The following CTNNA3 variants were observed in gnomAD, a reference collection of about 807,000 sequenced individuals.
The protein encoded by CTNNA3 is catenin alpha 3, also known as catenin alpha-3.
A neutral mutation model predicts 95.7 loss-of-function variants in CTNNA3; 76 were observed. The ratio of observed to expected loss-of-function variants is 0.79; its 90% CI spans 0.66 to 0.96. The LOEUF is 0.96. Ranked by LOEUF, CTNNA3 falls within the 40% of genes least tolerant of loss-of-function variation. The pLI is 0.00. For missense variants in CTNNA3, 1,191 were observed against 1,089.8 expected, an observed-to-expected ratio of 1.09 and a Z score of -1.31; for synonymous variants, 431 against 374.4, an observed-to-expected ratio of 1.15 and a Z score of -1.74.
intron 1 of CTNNA3, among the ~76,000 whole-genome samples, chr10:67,757,301 G>A (rs1841438413): frequency 6.6e-6 from 1 of 152,228 alleles, no homozygotes; most frequent in Admixed American, 6.5e-5. Context: ...GGTCAACGTG[G>A]TGGTTAATTT....
At chr10:67,524,556 T>C (rs889841816) in intron 4 of CTNNA3, among the ~76,000 whole-genome samples, 4 of 152,190 alleles carry the variant, frequency 2.6e-5, no homozygotes, top group Admixed American at 1.3e-4. Context: ...TTGTATAATA[T>C]GGAGATTTCA....
chr10:66,564,736 G>T (rs1157681733), intron 10 of CTNNA3, among the ~76,000 whole-genome samples: 1 of 152,170 alleles, frequency 6.6e-6, no homozygotes, highest in South Asian at 2.1e-4. Flanking sequence ...AGGTGAGGAA[G>T]GGACAAGGAA....
At chr10:66,608,670 C>CA (rs530547347) in intron 10 of CTNNA3, among the ~76,000 whole-genome samples, 1 of 151,906 alleles carries the variant, frequency 6.6e-6, no homozygotes, top group African/African-American at 2.4e-5. Context: ...AAAAAACTGA[C>CA]AAAAAACAAG....
chr10:67,301,975 A>AAAAGAAAGAAAGAAAG (rs1174361427), intron 5 of CTNNA3, among the ~76,000 whole-genome samples: 1 of 118,588 alleles, frequency 8.4e-6, no homozygotes, highest in African/African-American at 4.7e-5. Context: ...CAAGAAAGAA[A>AAAAGAAAGAAAGAAAG]AAAGAAAGAA....
intron 1 of CTNNA3, among the ~76,000 whole-genome samples, chr10:67,724,735 T>C (rs946010754): frequency 3.3e-5 from 5 of 152,214 alleles, no homozygotes; most frequent in East Asian, 1.9e-4. Context: ...GTACCTAGTA[T>C]ATTTTCCAAG....
intron 12 of CTNNA3, among the ~76,000 whole-genome samples, chr10:66,303,464 T>A (rs1016520148): frequency 6.6e-6 from 1 of 152,126 alleles, no homozygotes; most frequent in South Asian, 2.1e-4. Flanking sequence ...TTATACTTGA[T>A]TATGTATCTG....
intron 11 of CTNNA3, among the ~76,000 whole-genome samples, chr10:66,436,912 G>T (rs2093342071): frequency 6.6e-6 from 1 of 152,238 alleles, no homozygotes; most frequent in East Asian, 1.9e-4. Flanking sequence ...GCATTTGCTT[G>T]TCTGTAAAGG....
chr10:66,005,841 A>G (rs185349887), intron 15 of CTNNA3, among the ~76,000 whole-genome samples: 83 of 152,144 alleles, frequency 5.5e-4, no homozygotes, highest in African/African-American at 2.0e-3. Context: ...TTTTCATAAG[A>G]CATTCAAATA....
chr10:66,538,470 G>C (rs116888862), intron 10 of CTNNA3, among the ~76,000 whole-genome samples: 3,127 of 152,220 alleles, frequency 0.021, 46 homozygotes, highest in Non-Finnish European at 0.034. Context: ...ATTTGAACTT[G>C]AGAAGTCCTT....
chr10:66,302,859 G>T (rs531475688), intron 12 of CTNNA3, among the ~76,000 whole-genome samples: 1 of 152,088 alleles, frequency 6.6e-6, no homozygotes, highest in East Asian at 1.9e-4. Flanking sequence ...ACAAAAGAAA[G>T]ATACTATTCC....
chr10:66,138,754 G>A lies in CTNNA3; in HGVS notation c.1885-35505C>T, dbSNP rs2083470303. Among the ~76,000 whole-genome samples, 3 of 152,316 alleles carry A rather than the reference G, an allele frequency of 2.0e-5. No homozygotes were observed. The South Asian group carries it at 6.2e-4, about 32-fold the overall frequency. ...TGCACCTGTAATCACAATTACTTGG[G>A]AGGCTGAAGCAGAAGAATCGCTTGA... On this transcript the variant is annotated intron_variant, in intron 13 of 17. Coordinates refer to ENST00000433211, the MANE Select transcript of CTNNA3 (RefSeq NM_013266.4).
intron 1 of CTNNA3, among the ~76,000 whole-genome samples, chr10:67,705,297 T>A (rs1448446865): frequency 1.3e-5 from 2 of 152,064 alleles, no homozygotes; most frequent in Non-Finnish European, 2.9e-5. Flanking sequence ...CAAAGGACTA[T>A]AAATCATGCT....
chr10:67,538,617 A>AAAAG (rs1840564771), intron 4 of CTNNA3, among the ~76,000 whole-genome samples: 1 of 151,552 alleles, frequency 6.6e-6, no homozygotes. Context: ...GAAAAGAAAA[A>AAAAG]GAAAGATGCA....
chr10:66,496,575 G>A (rs1840106885), intron 11 of CTNNA3, among the ~76,000 whole-genome samples: 1 of 152,164 alleles, frequency 6.6e-6, no homozygotes. Context: ...AAGAAGTAAT[G>A]ATGGGAAGGA....
chr10:66,324,806 T>TA (rs1475623239), intron 12 of CTNNA3, among the ~76,000 whole-genome samples: 1 of 151,906 alleles, frequency 6.6e-6, no homozygotes, highest in African/African-American at 2.4e-5. Flanking sequence ...TCATCATGCT[T>TA]AAACTGGATA....
intron 5 of CTNNA3, among the ~76,000 whole-genome samples, chr10:67,393,011 C>A (rs907093335): frequency 4.0e-5 from 6 of 151,890 alleles, no homozygotes; most frequent in African/African-American, 1.5e-4. Flanking sequence ...ACATATGTAA[C>A]TAGCCTGCAC....
chr10:67,225,885 AC>A (rs1420969997), intron 5 of CTNNA3, among the ~76,000 whole-genome samples: 1 of 152,200 alleles, frequency 6.6e-6, no homozygotes, highest in Non-Finnish European at 1.5e-5. Flanking sequence ...TCCCTGTTTT[AC>A]CTGAAAAAGA....
chr10:66,445,302 C>G (rs2093410839), intron 11 of CTNNA3, among the ~76,000 whole-genome samples: 1 of 152,226 alleles, frequency 6.6e-6, no homozygotes, highest in Admixed American at 6.5e-5. Flanking sequence ...GAATTGAACT[C>G]AGCTCTGCAC....
chr10:67,308,878 A>G (rs1005752863), intron 5 of CTNNA3, among the ~76,000 whole-genome samples: 6 of 152,150 alleles, frequency 3.9e-5, no homozygotes, highest in Non-Finnish European at 7.4e-5. Flanking sequence ...AGAGGTACAA[A>G]TTCCTACTTC....
Sources: allele counts gnomAD v4.1 joint callset (sites outside exome capture counted in the v4.1 genomes callset), GRCh38; gene constraint gnomAD v4.1.1; transcripts MANE v1.5; gene names NCBI Gene and HGNC (gene_info 2026-07-23, HGNC 2026-07-21).